MACROD2: variants seen among roughly 807,000 people sequenced by gnomAD.
MACROD2 encodes the protein mono-ADP ribosylhydrolase 2.
MACROD2 carries 36 observed loss-of-function variants against 70.4 expected under a neutral mutation model. That is an observed-to-expected ratio of 0.51 (90% CI 0.39 to 0.68). The LOEUF is 0.68. Ranked by LOEUF, MACROD2 falls within the 30% of genes least tolerant of loss-of-function variation. The pLI is 0.00. For missense variants in MACROD2, 496 were observed against 538.4 expected, an observed-to-expected ratio of 0.92 and a Z score of 0.78; for synonymous variants, 172 against 178.8, an observed-to-expected ratio of 0.96 and a Z score of 0.30.
intron 8 of MACROD2, among the ~76,000 whole-genome samples, chr20:15,740,630 TG>T (rs1452346013): frequency 6.6e-6 from 1 of 152,158 alleles, no homozygotes; most frequent in South Asian, 2.1e-4. Flanking sequence ...ATTTGCCATT[TG>T]GGGTTCTATA....
rs1387557419 is a variant in MACROD2 at position 14,010,140 on chromosome 20, A to C, written c.163+7736A>C. ...ACCCCTGAACTTAAATGAAAGTTGG[A>C]AATTAAAAAAAAATTTGGTCATTTA... is the stretch of plus-strand genomic sequence containing the variant. On this transcript the variant is annotated intron_variant, in intron 2 of 17. Coordinates refer to ENST00000684519, the MANE Select transcript of MACROD2 (RefSeq NM_001351661.2). 2.6e-5 allele frequency among the ~76,000 whole-genome samples: 4 copies of C among 152,330 alleles called. No individual in the cohort carries two copies. The South Asian group carries it at 6.2e-4, about 24-fold the overall frequency.
intron 8 of MACROD2, among the ~76,000 whole-genome samples, chr20:15,630,086 C>T (rs1017793908): frequency 2.6e-5 from 4 of 152,110 alleles, no homozygotes; most frequent in African/African-American, 7.2e-5. Context: ...TCCGGTCCTG[C>T]TTTTGATGAT....
chr20:14,944,485 C>T (rs139052899), intron 5 of MACROD2, among the ~76,000 whole-genome samples: 6 of 152,120 alleles, frequency 3.9e-5, no homozygotes, highest in South Asian at 4.1e-4. Context: ...TTTTCTCATC[C>T]GGTACTGTCA....
chr20:14,702,974 C>T (rs138611714), intron 5 of MACROD2, among the ~76,000 whole-genome samples: 67 of 151,806 alleles, frequency 4.4e-4, no homozygotes, highest in Middle Eastern at 3.4e-3. Context: ...GTGATCTGCC[C>T]GCCTTGGTCT....
chr20:14,078,027 C>T (rs1040703537), intron 2 of MACROD2, among the ~76,000 whole-genome samples: 3 of 151,746 alleles, frequency 2.0e-5, no homozygotes, highest in Admixed American at 1.3e-4. Flanking sequence ...CTCAGCCTCC[C>T]GAGTAGCTGG....
intron 8 of MACROD2, among the ~76,000 whole-genome samples, chr20:15,596,069 A>G (rs1339764876): frequency 6.6e-6 from 1 of 152,264 alleles, no homozygotes; most frequent in East Asian, 1.9e-4. Flanking sequence ...GAAGCTGAAG[A>G]ACCATGATAC....
rs149928023 is a variant in MACROD2, at chr20:15,232,880, T to C, written c.540+2819T>C. Among the ~76,000 whole-genome samples the C allele has an allele frequency of 2.2e-3, 334 of 152,246 alleles. 1 individual carries two copies. The highest frequency in any genetic ancestry group is 7.7e-3 in the African/African-American group (318 of 41,566). On this transcript the variant is annotated intron_variant, in intron 6 of 17. Transcript: ENST00000684519. ...TCTTATTCTTATTTTACCAAAAGAA[T>C]AGATTCTTCAAATATTTTTAATGGA... is the stretch of plus-strand genomic sequence containing the variant.
At chr20:15,877,034 G>A (rs566315713) in intron 9 of MACROD2, among the ~76,000 whole-genome samples, 2 of 152,124 alleles carry the variant, frequency 1.3e-5, no homozygotes, top group South Asian at 4.2e-4. Context: ...TTGATGGCTT[G>A]AGCATGGGAA....
At chr20:15,710,962 C>T (rs1360697149) in intron 8 of MACROD2, among the ~76,000 whole-genome samples, 1 of 152,190 alleles carries the variant, frequency 6.6e-6, no homozygotes, top group African/African-American at 2.4e-5. Flanking sequence ...TCGCTGTTTC[C>T]TTCCGCAGCC....
intron 5 of MACROD2, among the ~76,000 whole-genome samples, chr20:15,215,989 G>A (rs1331170177): frequency 2.0e-5 from 3 of 152,056 alleles, no homozygotes; most frequent in African/African-American, 7.2e-5. Context: ...AAGAGTTCTA[G>A]AAAGAATGGA....
rs1461120430 is a variant in MACROD2 at position 14,809,600 on chromosome 20, GAGAA to G, written c.418+124645_418+124648del. 3.3e-5 allele frequency among the ~76,000 whole-genome samples: 5 copies of G among 151,494 alleles called. No individual in the cohort carries two copies. In the East Asian group the frequency reaches 9.7e-4, roughly 29 times the overall value. On this transcript the variant is annotated intron_variant, in intron 5 of 17. Coordinates refer to ENST00000684519, the MANE Select transcript of MACROD2 (RefSeq NM_001351661.2). The stretch of plus-strand genomic sequence containing the variant: ...AACCAAGATCAGAGCAGAAATGAAG[GAGAA>G]AGAGACACAAAAAAACTCTTCAAAA...
At chr20:15,238,893 G>C (rs192172201) in intron 6 of MACROD2, among the ~76,000 whole-genome samples, 264 of 152,272 alleles carry the variant, frequency 1.7e-3, no homozygotes, top group South Asian at 0.017. Flanking sequence ...AGGAAATACT[G>C]GCCTAGCACA....
At chr20:14,802,678 T>A (rs1321897654) in intron 5 of MACROD2, among the ~76,000 whole-genome samples, 1 of 152,020 alleles carries the variant, frequency 6.6e-6, no homozygotes, top group Admixed American at 6.6e-5. Context: ...CCATCTGATA[T>A]CTTCGTAAAT....
chr20:15,953,156 A>T lies in MACROD2; in HGVS notation c.908-14397A>T, dbSNP rs1272049755. On this transcript the variant is annotated intron_variant, in intron 12 of 17. Transcript: ENST00000684519. ...TTTTCACTCATAGGCAGAAGCCAAG[A>T]AAGGTTGGTCTCATAGAAGTAAAAA... Among the ~76,000 whole-genome samples the T allele has an allele frequency of 2.6e-5, 4 of 152,262 alleles. No homozygotes were observed. The East Asian group carries it at 7.7e-4, about 29-fold the overall frequency.
chr20:15,344,522 T>C (rs2078143571), intron 6 of MACROD2, among the ~76,000 whole-genome samples: 1 of 152,186 alleles, frequency 6.6e-6, no homozygotes, highest in African/African-American at 2.4e-5. Context: ...CAGGACCAAT[T>C]TGATGTGAGC....
chr20:15,483,159 A>G (rs2146458067), intron 7 of MACROD2, among the ~76,000 whole-genome samples: 1 of 152,240 alleles, frequency 6.6e-6, no homozygotes, highest in Non-Finnish European at 1.5e-5. Flanking sequence ...CCTAGGTTTT[A>G]TCCTGTTATC....
At chr20:15,289,699 T>C (rs760806532) in intron 6 of MACROD2, among the ~76,000 whole-genome samples, 1 of 152,230 alleles carries the variant, frequency 6.6e-6, no homozygotes, top group Non-Finnish European at 1.5e-5. Context: ...GAATAATATA[T>C]ATCAAATGTG....
intron 8 of MACROD2, among the ~76,000 whole-genome samples, chr20:15,771,116 A>G (rs1156992649): frequency 6.6e-6 from 1 of 152,164 alleles, no homozygotes; most frequent in Non-Finnish European, 1.5e-5. Context: ...CAGAGGGAAC[A>G]CACCATCAAA....
intron 8 of MACROD2, among the ~76,000 whole-genome samples, chr20:15,510,391 A>G (rs949944809): frequency 2.6e-5 from 4 of 152,146 alleles, no homozygotes; most frequent in African/African-American, 9.7e-5. Flanking sequence ...TTGATGGACT[A>G]GGACTCGTAT....
Sources: gnomAD v4.1 joint callset for allele counts (sites outside exome capture counted in the v4.1 genomes callset) on GRCh38, gnomAD v4.1.1 for gene constraint, MANE v1.5 for transcripts, NCBI Gene and HGNC (gene_info 2026-07-23, HGNC 2026-07-21) for gene names.